Variants in MYOM3 observed in about 807,000 individuals in gnomAD.
MYOM3 encodes the protein myomesin 3.
Under a neutral mutation model 191.7 loss-of-function variants are expected in MYOM3, and 155 were observed. The observed-to-expected ratio is 0.81, with a 90% CI of 0.71 to 0.92. MYOM3 has a LOEUF of 0.92. Among genes scored for constraint, MYOM3 ranks in the 40% least tolerant of loss-of-function variants. The pLI is 0.00. For missense variants in MYOM3, 1,889 were observed against 1,890.6 expected, an observed-to-expected ratio of 1.00 and a Z score of 0.02; for synonymous variants, 757 against 762.9, an observed-to-expected ratio of 0.99 and a Z score of 0.13.
At chr1:24,062,860 T>A (rs1643386910) in intron 32 of MYOM3, among the ~76,000 whole-genome samples, 1 of 152,202 alleles carries the variant, frequency 6.6e-6, no homozygotes, top group Admixed American at 6.5e-5. Flanking sequence ...CAGAAAAATG[T>A]TGTCCCGCCA....
Position 24,056,681 on chromosome 1 carries a change from T to C in MYOM3, c.*683A>G, listed in dbSNP as rs994216071. 1 of 152,322 alleles carries C rather than the reference T, an allele frequency of 6.6e-6. No individual in the cohort carries two copies. The highest frequency in any genetic ancestry group is 1.5e-5 in the Non-Finnish European group (1 of 68,210). The allele number at this position is 152,322 out of a possible 1,614,324, so 9.4% of individuals were successfully genotyped here. On this transcript the variant is annotated 3_prime_UTR_variant, in exon 37 of 37. Transcript: ENST00000374434. ...ACCTCGCCCAGCCTGGATGAAGGTG[T>C]TTTCAAAGCCCTACCTCCCCCTGTT...
chr1:24,099,605 G>A (rs923011410), intron 6 of MYOM3, 75 bp downstream of exon 6: 7 of 1,169,748 alleles, frequency 6.0e-6, no homozygotes, highest in Non-Finnish European at 9.0e-6. Flanking sequence ...CTCCGAGGAA[G>A]GGTTTGGGAT....
intron 35 of MYOM3, among the ~76,000 whole-genome samples, chr1:24,060,725 T>C (rs1349830165): frequency 2.0e-5 from 3 of 152,180 alleles, no homozygotes; most frequent in Admixed American, 6.5e-5. Flanking sequence ...TCGAGAGCCA[T>C]AGCTTCAGCT....
chr1:24,059,706 T>C (rs1207894253), intron 35 of MYOM3, among the ~76,000 whole-genome samples: 3 of 152,180 alleles, frequency 2.0e-5, no homozygotes, highest in Non-Finnish European at 4.4e-5. Context: ...AAACAGAAGC[T>C]TTTGGGACAC....
chr1:24,081,951 T>C, intron 18 of MYOM3, 50 bp downstream of exon 18: 1 of 1,524,596 alleles, frequency 6.6e-7, no homozygotes, highest in Non-Finnish European at 8.9e-7. Flanking sequence ...TGCCCTCTGG[T>C]CGCTGCTAAA....
intron 7 of MYOM3, among the ~76,000 whole-genome samples, chr1:24,097,533 C>G (rs1643884984): frequency 6.6e-6 from 1 of 152,208 alleles, no homozygotes; most frequent in African/African-American, 2.4e-5. Context: ...GATGACTCTA[C>G]AGAGAGAGCT....
chr1:24,075,813 A>G (rs907348792), intron 21 of MYOM3, among the ~76,000 whole-genome samples: 16 of 152,166 alleles, frequency 1.1e-4, no homozygotes, highest in Non-Finnish European at 2.4e-4. Context: ...TAGAGCAGGG[A>G]TCTTACTCTC....
rs531893682 is a variant in MYOM3 at position 24,075,462 on chromosome 1, G to A, written c.2715C>T (p.Ile905=). 26 of 1,576,796 alleles carry A rather than the reference G, an allele frequency of 1.6e-5. No individual in the cohort carries two copies. The highest frequency in any genetic ancestry group is 1.5e-4 in the Admixed American group (8 of 52,658). The change falls in exon 22 of 37, where the codon ATC becomes ATT. Residue 905 remains isoleucine, a synonymous_variant. Transcript: ENST00000374434. ...AGCCCTCTTCATCCACACCAACCTC[G>A]ATCTCATGGGCACCTGAGGGCGAGA... ...LLEDKPGAHE[I]EVGVDEEGFI... is the part of the protein sequence containing the mutation.
At position 24,086,655 on chromosome 1, in the gene MYOM3, C is replaced by G. The variant is rs1342815697; in HGVS notation, c.1787G>C (p.Arg596Pro). 6.2e-7 allele frequency: 1 copy of G among 1,613,810 alleles called. No homozygotes were observed. Among genetic ancestry groups the G allele is most frequent in the Non-Finnish European group, 8.5e-7 (1 of 1,179,852 alleles). Residue 596 changes from arginine to proline, a missense_variant, in exon 15 of 37, where the codon CGG (arginine) becomes CCG (proline). Coordinates refer to ENST00000374434, the MANE Select transcript of MYOM3 (RefSeq NM_152372.4). The stretch of plus-strand genomic sequence containing the variant: ...CATCAGGAGGGTACCTGGCGGGCCC[C>G]GCAAGGCGATGGGTTCGCTGGGCTC... ...PSEPSEPIAL[R>P]GPPATLPPPA...
chr1:24,081,738 T>C (rs1442688326), intron 18 of MYOM3: 7 of 586,330 alleles, frequency 1.2e-5, no homozygotes, highest in Non-Finnish European at 2.1e-5. Flanking sequence ...AATTTTTGTA[T>C]TTTTTGTCAA....
Position 24,093,116 on chromosome 1 carries a change from G to A in MYOM3, c.929-8C>T. 6.2e-7 allele frequency: 1 copy of A among 1,602,404 alleles called. No homozygotes were observed. Among genetic ancestry groups the A allele is most frequent in the Non-Finnish European group, 8.5e-7 (1 of 1,178,330 alleles). Reference sequence around the variant, plus strand: ...AGGACCTCAGTAGGCTCCCTGTGGAGGGGAAGTGGGGGGCCATTGAGTTTG... The same window carrying A: ...AGGACCTCAGTAGGCTCCCTGTGGAAGGGAAGTGGGGGGCCATTGAGTTTG... On this transcript the variant is annotated splice_polypyrimidine_tract_variant and splice_region_variant and intron_variant, in intron 9 of 36. Coordinates refer to ENST00000374434, the MANE Select transcript of MYOM3 (RefSeq NM_152372.4).
chr1:24,066,256 C>A, intron 28 of MYOM3: 2 of 716,522 alleles, frequency 2.8e-6, no homozygotes, highest in Non-Finnish European at 5.2e-6. Flanking sequence ...TTTTTTGAAG[C>A]ATCCCATAGT....
chr1:24,061,839 A>G, intron 33 of MYOM3, 107 bp downstream of exon 33: 1 of 1,255,396 alleles, frequency 8.0e-7, no homozygotes, highest in Non-Finnish European at 1.1e-6. Context: ...CGATCCTCCC[A>G]CTTCAGCCTC....
rs762443976 is a variant in MYOM3 at position 24,095,430 on chromosome 1, C to T, written c.790+12G>A. ...AAGAATCCCAGGTCCCGTTCTCCCC[C>T]AGCCGACTTACTTTTGAAGATCTCT... On this transcript the variant is annotated intron_variant, in intron 8 of 36. Transcript: ENST00000374434. 5.0e-6 allele frequency: 8 copies of T among 1,611,778 alleles called. No homozygotes were observed. The Admixed American group carries it at 1.0e-4, about 20-fold the overall frequency.
chr1:24,077,727 G>T (rs1643619124), intron 20 of MYOM3, among the ~76,000 whole-genome samples: 1 of 152,218 alleles, frequency 6.6e-6, no homozygotes, highest in Non-Finnish European at 1.5e-5. Context: ...ATTAAAGCAG[G>T]TGTGAAGAAA....
chr1:24,082,389 A>G, intron 17 of MYOM3: 1 of 886,926 alleles, frequency 1.1e-6, no homozygotes, highest in South Asian at 1.9e-5. Flanking sequence ...CACCCCCCAG[A>G]GCTGCTCAGG....
chr1:24,058,900 C>T, intron 36 of MYOM3, 24 bp downstream of exon 36: 1 of 1,582,658 alleles, frequency 6.3e-7, no homozygotes, highest in East Asian at 2.2e-5. Flanking sequence ...GGACTGCTGG[C>T]TGTGGGCTGG....
intron 7 of MYOM3, among the ~76,000 whole-genome samples, chr1:24,095,778 A>G (rs1038669288): frequency 6.6e-6 from 1 of 152,068 alleles, no homozygotes; most frequent in Non-Finnish European, 1.5e-5. Context: ...TCCCTACCCA[A>G]ACTTGCCCCC....
chr1:24,095,475 T>A lies in MYOM3; in HGVS notation c.757A>T (p.Lys253Ter). The A allele has an allele frequency of 1.2e-6, 2 of 1,612,674 alleles. No homozygotes were observed. The highest frequency in any genetic ancestry group is 1.7e-6 in the Non-Finnish European group (2 of 1,179,180). The change falls in exon 8 of 37, where the codon AAG becomes TAG. Residue 253 changes from lysine (K) to a stop codon, truncating the protein, a stop_gained. Transcript: ENST00000374434. LOFTEE classifies it high-confidence loss of function. ...AKVLVRTYLG[K>*]DAGFDSEIFK... ...ATCTCTGAATCGAAGCCAGCATCCT[T>A]CCCCAGGTAAGCTGAAAAACCAAAG...
Sources: allele counts gnomAD v4.1 joint callset (sites outside exome capture counted in the v4.1 genomes callset), GRCh38; gene constraint gnomAD v4.1.1; transcripts MANE v1.5; gene names NCBI Gene and HGNC (gene_info 2026-07-23, HGNC 2026-07-21).